The following ADAMTS18 variants were observed in gnomAD, a reference collection of about 807,000 sequenced individuals.
The protein encoded by ADAMTS18 is ADAM metallopeptidase with thrombospondin type 1 motif 18.
ADAMTS18 carries 157 observed loss-of-function variants against 165.9 expected under a neutral mutation model. The observed-to-expected ratio is 0.95, with a 90% CI of 0.83 to 1.08. ADAMTS18 has a LOEUF of 1.08. Among genes scored for constraint, ADAMTS18 ranks in the 50% least tolerant of loss-of-function variants. ADAMTS18 has a pLI of 0.00. For synonymous variants in ADAMTS18, 782 were observed against 578.2 expected (o/e 1.35, Z -5.06); for missense variants, 2,040 against 1,534.0 (o/e 1.33, Z -5.51).
At chr16:77,309,793 A>G (rs1273928342) in intron 16 of ADAMTS18, among the ~76,000 whole-genome samples, 5 of 152,204 alleles carry the variant, frequency 3.3e-5, no homozygotes, top group African/African-American at 4.8e-5. Context: ...GGCAAACTCA[A>G]CACCTTGAAA....
At chr16:77,390,184 T>A (rs2057166459) in intron 3 of ADAMTS18, among the ~76,000 whole-genome samples, 1 of 152,068 alleles carries the variant, frequency 6.6e-6, no homozygotes, top group Non-Finnish European at 1.5e-5. Flanking sequence ...TTGCCTGGGT[T>A]TCTGCAAGAA....
intron 11 of ADAMTS18, among the ~76,000 whole-genome samples, chr16:77,338,127 C>T (rs1352249341): frequency 6.6e-6 from 1 of 152,104 alleles, no homozygotes; most frequent in African/African-American, 2.4e-5. Context: ...TGGTCTTGAA[C>T]TCCTGACATC....
At chr16:77,339,790 C>T (rs1434872702) in intron 11 of ADAMTS18, among the ~76,000 whole-genome samples, 3 of 152,046 alleles carry the variant, frequency 2.0e-5, no homozygotes, top group East Asian at 1.9e-4. Flanking sequence ...AGACCACTAT[C>T]GGATTAAAAA....
chr16:77,420,456 T>A (rs1416334582), intron 3 of ADAMTS18, among the ~76,000 whole-genome samples: 1 of 152,164 alleles, frequency 6.6e-6, no homozygotes, highest in African/African-American at 2.4e-5. Flanking sequence ...GCTCTAATTG[T>A]TCTGGGGTGA....
At position 77,329,151 on chromosome 16, in the gene ADAMTS18, G is replaced by A. The variant is rs572748298; in HGVS notation, c.1860-3113C>T. On this transcript the variant is annotated intron_variant, in intron 12 of 22. Coordinates refer to ENST00000282849, the MANE Select transcript of ADAMTS18 (RefSeq NM_199355.4). ...GACAGAGTCTTGCTCTATCACCCAGGCTGGAGTGAACTGGCACAATCATGG... is the reference window on the plus strand; with the variant it reads ...GACAGAGTCTTGCTCTATCACCCAGACTGGAGTGAACTGGCACAATCATGG... Among the ~76,000 whole-genome samples, 76 of 151,868 alleles carry A rather than the reference G, an allele frequency of 5.0e-4. No homozygotes were observed. The South Asian group carries it at 0.015, about 31-fold the overall frequency.
At position 77,367,608 on chromosome 16, in the gene ADAMTS18, T is replaced by C. The variant is rs2056816566; in HGVS notation, c.611A>G (p.Lys204Arg). 1 of 1,614,186 alleles carries C rather than the reference T, an allele frequency of 6.2e-7. No individual in the cohort carries two copies. The highest frequency in any genetic ancestry group is 8.5e-7 in the Non-Finnish European group (1 of 1,180,030). The change falls in exon 4 of 23, where the codon AAA becomes AGA. Residue 204 changes from lysine (K) to arginine (R), a missense_variant. Coordinates refer to ENST00000282849, the MANE Select transcript of ADAMTS18 (RefSeq NM_199355.4). ...PAGHHPHVLY[K>R]RTAEEKIQRY... is the part of the protein sequence containing the mutation. ...CTGGATCTTCTCCTCTGCTGTCCTT[T>C]TGTACAGTACGTGAGGATGGTGACC... is the stretch of plus-strand genomic sequence containing the variant.
At chr16:77,391,600 G>C (rs903850564) in intron 3 of ADAMTS18, among the ~76,000 whole-genome samples, 2 of 152,072 alleles carry the variant, frequency 1.3e-5, no homozygotes, top group Non-Finnish European at 2.9e-5. Flanking sequence ...GCCAGGAAGA[G>C]GGGGAAGAGT....
At chr16:77,416,578 G>C (rs995974012) in intron 3 of ADAMTS18, among the ~76,000 whole-genome samples, 1 of 152,158 alleles carries the variant, frequency 6.6e-6, no homozygotes. Flanking sequence ...ATGTGCTTTT[G>C]CTTCTCCTTT....
chr16:77,386,617 G>A (rs568015452), intron 3 of ADAMTS18, among the ~76,000 whole-genome samples: 2 of 152,240 alleles, frequency 1.3e-5, no homozygotes, highest in African/African-American at 4.8e-5. Flanking sequence ...CTAGTCTGGT[G>A]CCTATGAACA....
chr16:77,360,231 A>T (rs1228941474), intron 7 of ADAMTS18, among the ~76,000 whole-genome samples: 2 of 152,226 alleles, frequency 1.3e-5, no homozygotes, highest in African/African-American at 4.8e-5. Flanking sequence ...GATCATTATC[A>T]TTACTACCAT....
Sources: gnomAD v4.1 joint callset for allele counts (sites outside exome capture counted in the v4.1 genomes callset) on GRCh38, gnomAD v4.1.1 for gene constraint, MANE v1.5 for transcripts, NCBI Gene and HGNC (gene_info 2026-07-23, HGNC 2026-07-21) for gene names.